PPFIBP2: variants seen among roughly 807,000 people sequenced by gnomAD.
PPFIBP2 encodes PPFIB scaffold protein 2, also known as liprin-beta-2.
Under a neutral mutation model 118.3 loss-of-function variants are expected in PPFIBP2, and 118 were observed. The observed-to-expected ratio is 1.00, with a 90% CI of 0.86 to 1.16. The LOEUF is 1.16. Among genes scored for constraint, PPFIBP2 ranks in the 50% most tolerant of loss-of-function variants. The probability of loss-of-function intolerance (pLI) is 0.00; values close to 1 mark genes in which losing one functional copy is unlikely to be tolerated. For synonymous variants in PPFIBP2, 414 were observed against 397.4 expected (o/e 1.04, Z -0.50); for missense variants, 1,195 against 1,073.1 (o/e 1.11, Z -1.59).
intron 14 of PPFIBP2, among the ~76,000 whole-genome samples, chr11:7,636,632 A>G (rs184172396): frequency 1.3e-5 from 2 of 152,268 alleles, no homozygotes; most frequent in Non-Finnish European, 2.9e-5. Context: ...CACACCTGTA[A>G]GTGACCACCT....
chr11:7,621,599 T>G (rs1849363917), intron 7 of PPFIBP2, among the ~76,000 whole-genome samples: 1 of 152,244 alleles, frequency 6.6e-6, no homozygotes, highest in African/African-American at 2.4e-5. Context: ...TTCTTCCTTC[T>G]TTTCCTATAC....
At chr11:7,540,258 C>T (rs1209721973) in intron 1 of PPFIBP2, among the ~76,000 whole-genome samples, 1 of 149,746 alleles carries the variant, frequency 6.7e-6, no homozygotes, top group African/African-American at 2.4e-5. Context: ...TGTGGGGGGG[C>T]GGTGAGGCTG....
chr11:7,562,949 A>G (rs1484815753), intron 2 of PPFIBP2, among the ~76,000 whole-genome samples: 2 of 31,146 alleles, frequency 6.4e-5, no homozygotes, highest in African/African-American at 4.9e-4. Flanking sequence ...ATATATATAT[A>G]TATATATATA....
At chr11:7,527,522 A>G (rs1176723617) in intron 1 of PPFIBP2, among the ~76,000 whole-genome samples, 1 of 152,148 alleles carries the variant, frequency 6.6e-6, no homozygotes, top group African/African-American at 2.4e-5. Context: ...TATGCTGAGA[A>G]TGGTGATGAT....
At chr11:7,610,105 C>G (rs1411205121) in intron 5 of PPFIBP2, among the ~76,000 whole-genome samples, 186 bp from the exon 6 acceptor site, 9 of 152,152 alleles carry the variant, frequency 5.9e-5, no homozygotes, top group African/African-American at 2.2e-4. Context: ...TGGGGGTGCG[C>G]TATCCCTGAG....
At position 7,556,760 on chromosome 11, in the gene PPFIBP2, G is replaced by C. The variant is rs1470406716; in HGVS notation, c.64+7221G>C. 2.0e-5 allele frequency among the ~76,000 whole-genome samples: 3 copies of C among 152,274 alleles called. No individual in the cohort carries two copies. In the East Asian group the frequency reaches 5.8e-4, roughly 29 times the overall value. ...TTGAATGATAGTTTATCTTGTACAGGCTTGTAGGTTGGTCACTATCCATAG... is the reference window on the plus strand; with the variant it reads ...TTGAATGATAGTTTATCTTGTACAGCCTTGTAGGTTGGTCACTATCCATAG... On this transcript the variant is annotated intron_variant, in intron 2 of 23. Coordinates refer to ENST00000299492, the MANE Select transcript of PPFIBP2 (RefSeq NM_003621.5).
intron 11 of PPFIBP2, 150 bp from the exon 12 acceptor site, chr11:7,632,717 A>G: frequency 1.6e-6 from 1 of 610,202 alleles, no homozygotes; most frequent in Non-Finnish European, 3.0e-6. Flanking sequence ...GCATCTTGAA[A>G]GAGCAAGGCA....
At chr11:7,557,134 G>A (rs914680599) in intron 2 of PPFIBP2, among the ~76,000 whole-genome samples, 7 of 151,874 alleles carry the variant, frequency 4.6e-5, no homozygotes, top group African/African-American at 2.4e-5. Flanking sequence ...TTTCACTTGT[G>A]TCTCTGTTTG....
chr11:7,541,985 G>C (rs1199423545), intron 1 of PPFIBP2, among the ~76,000 whole-genome samples: 1 of 152,188 alleles, frequency 6.6e-6, no homozygotes, highest in Non-Finnish European at 1.5e-5. Flanking sequence ...ATTCATTACG[G>C]TCTGAGTCAC....
At chr11:7,631,115 T>A (rs1850703791) in intron 11 of PPFIBP2, 87 bp downstream of exon 11, 2 of 964,438 alleles carry the variant, frequency 2.1e-6, no homozygotes, top group African/African-American at 1.6e-5. Flanking sequence ...CAGACACGTG[T>A]CAGGTGCACA....
chr11:7,625,711 G>T, intron 7 of PPFIBP2, 66 bp from the exon 8 acceptor site: 1 of 1,325,612 alleles, frequency 7.5e-7, no homozygotes, highest in East Asian at 2.3e-5. Flanking sequence ...GGACTCTGAC[G>T]GGAGGCACTT....
intron 5 of PPFIBP2, among the ~76,000 whole-genome samples, chr11:7,608,160 A>G (rs1037452675): frequency 6.6e-6 from 1 of 152,212 alleles, no homozygotes; most frequent in Non-Finnish European, 1.5e-5. Flanking sequence ...GATAGGTAGT[A>G]TGTGCTCAAT....
chr11:7,666,209 C>T, the PPFIBP2 span: 2 of 577,152 alleles, frequency 3.5e-6, no homozygotes, highest in Non-Finnish European at 6.2e-6. Flanking sequence ...TTTTGATGTT[C>T]AGTGCAGCGT....
intron 2 of PPFIBP2, among the ~76,000 whole-genome samples, chr11:7,551,627 A>G (rs921417855): frequency 6.6e-6 from 1 of 152,144 alleles, no homozygotes; most frequent in Non-Finnish European, 1.5e-5. Flanking sequence ...TTTGATCACA[A>G]AGTAACTTTC....
chr11:7,605,143 C>A (rs1053802773), intron 5 of PPFIBP2, among the ~76,000 whole-genome samples: 3 of 152,274 alleles, frequency 2.0e-5, no homozygotes, highest in East Asian at 1.9e-4. Context: ...GGTGAAAGAA[C>A]CCTGCAGAAA....
chr11:7,647,906 A>G (rs1853352385), intron 17 of PPFIBP2, among the ~76,000 whole-genome samples: 1 of 152,146 alleles, frequency 6.6e-6, no homozygotes, highest in African/African-American at 2.4e-5. Context: ...GTAATGTGCT[A>G]GCTGTTGTTG....
intron 2 of PPFIBP2, among the ~76,000 whole-genome samples, chr11:7,559,388 A>C (rs548320758): frequency 6.6e-6 from 1 of 152,194 alleles, no homozygotes; most frequent in Admixed American, 6.5e-5. Flanking sequence ...AATTGTGGGA[A>C]ATGTGTGTGG....
At chr11:7,626,727 G>T (rs1304223339) in intron 8 of PPFIBP2, among the ~76,000 whole-genome samples, 1 of 152,220 alleles carries the variant, frequency 6.6e-6, no homozygotes, top group East Asian at 1.9e-4. Flanking sequence ...TGTATACAAA[G>T]TGATCATACA....
At chr11:7,596,700 T>A (rs1198061181) in intron 4 of PPFIBP2, among the ~76,000 whole-genome samples, 1 of 152,200 alleles carries the variant, frequency 6.6e-6, no homozygotes, top group Non-Finnish European at 1.5e-5. Context: ...GTCTAAAGGA[T>A]CTCAGTTTAT....
Sources: gnomAD v4.1 joint callset for allele counts (sites outside exome capture counted in the v4.1 genomes callset) on GRCh38, gnomAD v4.1.1 for gene constraint, MANE v1.5 for transcripts, NCBI Gene and HGNC (gene_info 2026-07-23, HGNC 2026-07-21) for gene names.